TENM2: variants seen among roughly 807,000 people sequenced by gnomAD.
TENM2 encodes the protein teneurin-2.
A neutral mutation model predicts 245.2 loss-of-function variants in TENM2; 52 were observed. That is an observed-to-expected ratio of 0.21 (90% CI 0.17 to 0.27). TENM2 has a LOEUF of 0.27. TENM2 is among the 10% of genes least tolerant of loss of function. The pLI is 1.00. For synonymous variants in TENM2, 1,363 were observed against 1,438.9 expected (o/e 0.95, Z 1.19); for missense variants, 3,046 against 3,666.8 (o/e 0.83, Z 4.37).
At chr5:167,493,289 G>GA (rs1163376431) in intron 2 of TENM2, among the ~76,000 whole-genome samples, 3 of 151,098 alleles carry the variant, frequency 2.0e-5, no homozygotes, top group South Asian at 2.1e-4. Flanking sequence ...AAAAAGAAAA[G>GA]AAAAAAAAGA....
At chr5:167,726,136 C>A (rs1759987604) in intron 2 of TENM2, among the ~76,000 whole-genome samples, 1 of 152,058 alleles carries the variant, frequency 6.6e-6, no homozygotes, top group Non-Finnish European at 1.5e-5. Flanking sequence ...CGCTGCACGG[C>A]ATAGAGCAAG....
intron 2 of TENM2, among the ~76,000 whole-genome samples, chr5:167,718,545 C>G (rs1759416654): frequency 6.6e-6 from 1 of 152,216 alleles, no homozygotes; most frequent in Non-Finnish European, 1.5e-5. Flanking sequence ...ACAGATCCTA[C>G]AGAACCCTCT....
At chr5:167,766,954 A>T (rs1434239558) in intron 2 of TENM2, among the ~76,000 whole-genome samples, 1 of 152,200 alleles carries the variant, frequency 6.6e-6, no homozygotes, top group Non-Finnish European at 1.5e-5. Flanking sequence ...GCTGGTGGGA[A>T]TATAAAATGA....
intron 2 of TENM2, among the ~76,000 whole-genome samples, chr5:167,475,307 T>C (rs1293300173): frequency 1.3e-5 from 2 of 152,168 alleles, no homozygotes; most frequent in Non-Finnish European, 2.9e-5. Context: ...TTAGAAACTA[T>C]TGACCCAAAG....
intron 2 of TENM2, among the ~76,000 whole-genome samples, chr5:167,375,783 G>A (rs1450669351): frequency 6.6e-6 from 1 of 152,144 alleles, no homozygotes; most frequent in Non-Finnish European, 1.5e-5. Flanking sequence ...CCTAGAAAAT[G>A]TCCTCTCTCC....
At chr5:167,110,616 A>T in the TENM2 span, among the ~76,000 whole-genome samples, 1 of 152,330 alleles carries the variant, frequency 6.6e-6, no homozygotes, top group Admixed American at 6.5e-5. Flanking sequence ...TCAGAACAAA[A>T]ATATTTCCAG....
At chr5:167,195,661 A>T in the TENM2 span, among the ~76,000 whole-genome samples, 1 of 152,028 alleles carries the variant, frequency 6.6e-6, no homozygotes, top group Non-Finnish European at 1.5e-5. Context: ...CAGATCTATT[A>T]TTTATAAATA....
chr5:167,725,557 T>C (rs974244070), intron 2 of TENM2, among the ~76,000 whole-genome samples: 1 of 152,168 alleles, frequency 6.6e-6, no homozygotes, highest in African/African-American at 2.4e-5. Flanking sequence ...CTAATGCATT[T>C]ACTTATTTTC....
At chr5:167,378,531 C>G (rs1398074377) in intron 2 of TENM2, among the ~76,000 whole-genome samples, 1 of 151,912 alleles carries the variant, frequency 6.6e-6, no homozygotes, top group East Asian at 1.9e-4. Flanking sequence ...TTCTTTAATC[C>G]TATCTTGAAG....
chr5:166,983,835 T>C, the TENM2 span, among the ~76,000 whole-genome samples: 15,315 of 152,150 alleles, frequency 0.1, 951 homozygotes, highest in Non-Finnish European at 0.14. Context: ...GATATTTGTT[T>C]AGATGACCTA....
intron 3 of TENM2, among the ~76,000 whole-genome samples, chr5:167,883,686 C>A (rs1774060263): frequency 6.6e-6 from 1 of 152,198 alleles, no homozygotes; most frequent in Non-Finnish European, 1.5e-5. Flanking sequence ...TAGGCAAGCC[C>A]AGAGACTGGG....
At chr5:166,982,953 G>T in the TENM2 span, among the ~76,000 whole-genome samples, 1 of 152,072 alleles carries the variant, frequency 6.6e-6, no homozygotes, top group Admixed American at 6.6e-5. Context: ...GCAAATAGCA[G>T]TTTTGTCAAA....
At chr5:167,544,642 A>G (rs1262482648) in intron 2 of TENM2, among the ~76,000 whole-genome samples, 3 of 152,244 alleles carry the variant, frequency 2.0e-5, no homozygotes, top group African/African-American at 4.8e-5. Flanking sequence ...TAATTCATCT[A>G]CTTATTATTC....
the TENM2 span, among the ~76,000 whole-genome samples, chr5:167,087,351 G>A: frequency 6.6e-6 from 1 of 152,308 alleles, no homozygotes; most frequent in East Asian, 1.9e-4. Flanking sequence ...TTCTAGAGTT[G>A]TACAGTTCAC....
At chr5:167,670,527 G>A (rs552129584) in intron 2 of TENM2, among the ~76,000 whole-genome samples, 2 of 151,556 alleles carry the variant, frequency 1.3e-5, no homozygotes, top group African/African-American at 4.9e-5. Context: ...TGAAAGACCT[G>A]TATGAGACTC....
chr5:168,094,157 T>C (rs1424168926), intron 8 of TENM2, among the ~76,000 whole-genome samples: 3 of 152,022 alleles, frequency 2.0e-5, no homozygotes, highest in Non-Finnish European at 4.4e-5. Flanking sequence ...TATATAAGAA[T>C]TACAGGAGCA....
intron 2 of TENM2, among the ~76,000 whole-genome samples, chr5:167,794,327 A>T (rs1765178061): frequency 6.6e-6 from 1 of 152,232 alleles, no homozygotes; most frequent in Admixed American, 6.5e-5. Flanking sequence ...TCTGCTGGTG[A>T]ACCTGAAAGG....
rs1400185429 is a variant in TENM2 at position 167,491,225 on chromosome 5, CAT to C, written c.502+115753_502+115754del. 2.6e-5 allele frequency among the ~76,000 whole-genome samples: 4 copies of C among 152,130 alleles called. No homozygotes were observed. In the East Asian group the frequency reaches 5.8e-4, roughly 22 times the overall value. On this transcript the variant is annotated intron_variant, in intron 2 of 28. Coordinates refer to ENST00000518659, the Ensembl canonical transcript of TENM2. ...ATATCTAGTATTGTTAGATTTCACACATGATTGTTAAGAAATCCATTTTAATG... is the reference window on the plus strand; with the variant it reads ...ATATCTAGTATTGTTAGATTTCACACGATTGTTAAGAAATCCATTTTAATG...
chr5:167,832,259 A>C (rs973125604), intron 2 of TENM2, among the ~76,000 whole-genome samples: 1 of 152,242 alleles, frequency 6.6e-6, no homozygotes, highest in African/African-American at 2.4e-5. Context: ...TAATGAGGTC[A>C]GGACAATAAA....
Sources: allele counts gnomAD v4.1 joint callset (sites outside exome capture counted in the v4.1 genomes callset), GRCh38; gene constraint gnomAD v4.1.1; transcripts MANE v1.5; gene names NCBI Gene and HGNC (gene_info 2026-07-23, HGNC 2026-07-21).